The following DSC2 variants were observed in gnomAD, a reference collection of about 807,000 sequenced individuals.
The protein encoded by DSC2 is desmocollin-2.
A neutral mutation model predicts 87.6 loss-of-function variants in DSC2; 51 were observed. The ratio of observed to expected loss-of-function variants is 0.58; its 90% confidence interval spans 0.46 to 0.74. The LOEUF (loss-of-function observed/expected upper bound fraction) is 0.74, where lower values mean the gene tolerates loss of function less well. Among genes scored for constraint, DSC2 ranks in the 30% least tolerant of loss-of-function variants. The probability of loss-of-function intolerance (pLI) is 0.00; values close to 1 mark genes in which losing one functional copy is unlikely to be tolerated. For synonymous variants in DSC2, 383 were observed against 393.2 expected, an observed-to-expected ratio of 0.97 and a Z score of 0.31; for missense variants, 1,066 against 1,089.5, an observed-to-expected ratio of 0.98 and a Z score of 0.30.
chr18:31,089,233 A>G (rs1987507933), intron 5 of DSC2, among the ~76,000 whole-genome samples: 1 of 151,844 alleles, frequency 6.6e-6, no homozygotes, highest in South Asian at 2.1e-4. Flanking sequence ...TAGTAAAACC[A>G]TAATACCAGG....
chr18:31,078,442 C>G (rs1987093408), intron 11 of DSC2, among the ~76,000 whole-genome samples: 1 of 152,174 alleles, frequency 6.6e-6, no homozygotes, highest in Non-Finnish European at 1.5e-5. Flanking sequence ...ATCACTTAAA[C>G]TCCTCTGCAA....
intron 12 of DSC2, among the ~76,000 whole-genome samples, chr18:31,073,351 G>A (rs1462578884): frequency 7.0e-6 from 1 of 142,792 alleles, no homozygotes; most frequent in East Asian, 2.1e-4. Flanking sequence ...AAAATAAACT[G>A]ATAACCCCGA....
At chr18:31,087,601 A>G (rs763923120) in intron 6 of DSC2, 68 bp downstream of exon 6, 47 of 1,536,828 alleles carry the variant, frequency 3.1e-5, no homozygotes, top group Non-Finnish European at 4.0e-5. Context: ...CTCAACGGAC[A>G]TAGTGAAACT....
At position 31,065,691 on chromosome 18, in the gene DSC2, C is replaced by T. The variant is rs1986597870; in HGVS notation, c.*2324G>A. 6.6e-6 allele frequency: 1 copy of T among 152,172 alleles called. No individual in the cohort carries two copies. Among genetic ancestry groups the T allele is most frequent in the Non-Finnish European group, 1.5e-5 (1 of 68,032 alleles). The allele number at this position is 152,172 out of a possible 1,614,324, so 9.4% of individuals were successfully genotyped here. ...ATTGACAGGGAGAATCTAAAATACA[C>T]ATAATTTTCATAGGGTGTTAGAATT... On this transcript the variant is annotated 3_prime_UTR_variant, in exon 16 of 16. Transcript: ENST00000280904.
intron 2 of DSC2, 29 bp downstream of exon 2, chr18:31,093,530 A>T (rs1987668155): frequency 6.4e-7 from 1 of 1,561,344 alleles, no homozygotes; most frequent in South Asian, 1.1e-5. Flanking sequence ...GCAAAACAGG[A>T]TTTATTACAA....
In DSC2 at chr18:31,080,312, A is replaced by G. The variant is rs773846218; in HGVS notation, c.1304T>C (p.Ile435Thr). 6.2e-7 allele frequency: 1 copy of G among 1,613,968 alleles called. No homozygotes were observed. Among genetic ancestry groups the G allele is most frequent in the South Asian group, 1.1e-5 (1 of 91,082 alleles). ...YEEKQQMILQ[I>T]GVVNEAPFSR... ...AAATGGAGCTTCATTAACTACACCA[A>G]TTTGCAAGATCATCTGTTGCTTTTC... The change falls in exon 10 of 16, where the codon ATT becomes ACT. Residue 435 changes from isoleucine (I) to threonine (T), a missense_variant. Ile to Thr is a moderately conservative substitution (Grantham distance 89). Coordinates refer to ENST00000280904, the MANE Select transcript of DSC2 (RefSeq NM_024422.6).
At position 31,079,983 on chromosome 18, in the gene DSC2, C is replaced by A; in HGVS notation, c.1527G>T (p.Lys509Asn). The A allele has an allele frequency of 1.9e-6, 3 of 1,613,516 alleles. No individual in the cohort carries two copies. The highest frequency in any genetic ancestry group is 1.7e-6 in the Non-Finnish European group (2 of 1,179,710). ...ETRSSSGIRY[K>N]KLTDPTGWVT... ...CCCACCCTGTTGGATCAGTTAATTT[C>A]TTATACCTGTTGGTAATGATGAATT... The change falls in exon 11 of 16, where the codon AAG (lysine) becomes AAT (asparagine). Residue 509 changes from lysine to asparagine, a missense_variant. Lys to Asn is a moderately conservative substitution (Grantham distance 94). Coordinates refer to ENST00000280904, the MANE Select transcript of DSC2 (RefSeq NM_024422.6).
chr18:31,083,876 G>T (rs1193531939), intron 7 of DSC2, among the ~76,000 whole-genome samples: 1 of 152,150 alleles, frequency 6.6e-6, no homozygotes, highest in Non-Finnish European at 1.5e-5. Context: ...AGATATGGGA[G>T]AATTAAAAAC....
In DSC2 at chr18:31,079,985, T is replaced by C; in HGVS notation, c.1525A>G (p.Lys509Glu). Reference sequence around the variant, plus strand: ...CACCCTGTTGGATCAGTTAATTTCTTATACCTGTTGGTAATGATGAATTAA... The same window carrying C: ...CACCCTGTTGGATCAGTTAATTTCTCATACCTGTTGGTAATGATGAATTAA... ...ETRSSSGIRY[K>E]KLTDPTGWVT... The change falls in exon 11 of 16, where the codon AAG (lysine) becomes GAG (glutamate). Residue 509 changes from lysine (K) to glutamate (E), a missense_variant. By Grantham distance (56) the Lys-to-Glu change is moderately conservative. Transcript: ENST00000280904. 1 of 1,613,570 alleles carries C rather than the reference T, an allele frequency of 6.2e-7. No individual in the cohort carries two copies. Among genetic ancestry groups the C allele is most frequent in the South Asian group, 1.1e-5 (1 of 90,942 alleles).
chr18:31,060,258 T>G lies in DSC2; in HGVS notation c.*7757A>C, dbSNP rs995658799. 2.0e-5 allele frequency: 3 copies of G among 148,688 alleles called. No individual in the cohort carries two copies. The highest frequency in any genetic ancestry group is 4.5e-5 in the Non-Finnish European group (3 of 67,154). 9.2% of individuals were successfully genotyped at this position (148,688 alleles called of 1,614,324 possible). ...CTCTTACTTCTTTTGGATAAATCCC[T>G]TTTACTTGATTTCATTGGTAATTCT... On this transcript the variant is annotated 3_prime_UTR_variant, in exon 16 of 16. Transcript: ENST00000280904.
chr18:31,083,011 T>C lies in DSC2; in HGVS notation c.992A>G (p.Gln331Arg). The C allele has an allele frequency of 6.2e-7, 1 of 1,613,334 alleles. No individual in the cohort carries two copies. The highest frequency in any genetic ancestry group is 2.2e-5 in the East Asian group (1 of 44,832). ...TGAAGTTGTCTGTAGACCAAAATAC[T>C]GACCATCCATGTCTTGTACTTTTAT... ...LKIKVQDMDG[Q>R]YFGLQTTSTC... is the part of the protein sequence containing the mutation. The change falls in exon 8 of 16, where the codon CAG becomes CGG. Residue 331 changes from glutamine (Q) to arginine (R), a missense_variant. Transcript: ENST00000280904.
At chr18:31,083,165 G>C (rs1987287057) in intron 7 of DSC2, 105 bp from the exon 8 acceptor site, 3 of 1,274,564 alleles carry the variant, frequency 2.4e-6, no homozygotes, top group Non-Finnish European at 2.2e-6. Context: ...TTTAAGAAGT[G>C]CATTATTACA....
Position 31,064,734 on chromosome 18 carries a change from G to A in DSC2, c.*3281C>T, listed in dbSNP as rs899217268. On this transcript the variant is annotated 3_prime_UTR_variant, in exon 16 of 16. Coordinates refer to ENST00000280904, the MANE Select transcript of DSC2 (RefSeq NM_024422.6). Reference sequence around the variant, plus strand: ...TAGGGCTTTGAATATTTAAGGAGGTGAAAAACAAGATGATTCTAGGCACAA... The same window carrying A: ...TAGGGCTTTGAATATTTAAGGAGGTAAAAAACAAGATGATTCTAGGCACAA... 3 of 152,072 alleles carry A rather than the reference G, an allele frequency of 2.0e-5. No individual in the cohort carries two copies. The highest frequency in any genetic ancestry group is 2.1e-4 in the South Asian group (1 of 4,822). 9.4% of individuals were successfully genotyped at this position (152,072 alleles called of 1,614,324 possible). A position where few individuals can be genotyped will look rare whatever the true frequency, so the allele number is the denominator to read the frequency against.
At position 31,064,325 on chromosome 18, in the gene DSC2, C is replaced by T. The variant is rs1986563001; in HGVS notation, c.*3690G>A. The T allele has an allele frequency of 6.6e-6, 1 of 152,158 alleles. No homozygotes were observed. Among genetic ancestry groups the T allele is most frequent in the Non-Finnish European group, 1.5e-5 (1 of 68,050 alleles). 9.4% of individuals were successfully genotyped at this position (152,158 alleles called of 1,614,324 possible). A position where few individuals can be genotyped will look rare whatever the true frequency, so the allele number is the denominator to read the frequency against. The stretch of plus-strand genomic sequence containing the variant: ...TGGGTGGGGAGAGTGGCTGATTCAT[C>T]TTGCACTTTCTCATAGAAGCACAGT... On this transcript the variant is annotated 3_prime_UTR_variant, in exon 16 of 16. Coordinates refer to ENST00000280904, the MANE Select transcript of DSC2 (RefSeq NM_024422.6).
intron 9 of DSC2, among the ~76,000 whole-genome samples, chr18:31,081,461 G>GA (rs1987216835): frequency 1.3e-5 from 2 of 152,076 alleles, no homozygotes; most frequent in Admixed American, 6.6e-5. Context: ...GTTAGGTGAA[G>GA]AAAGAGACAA....
rs1335645459 is a variant in DSC2, at chr18:31,086,742, C to T, written c.776G>A (p.Gly259Asp). 3 of 1,613,682 alleles carry T rather than the reference C, an allele frequency of 1.9e-6. No homozygotes were observed. In the African/African-American group the frequency reaches 4.0e-5, roughly 22 times the overall value. ...TFTIFENCRV[G>D]TTVGQVCATD... is the part of the protein sequence containing the mutation. ...AGCACACACTTGTCCCACAGTAGTG[C>T]CTAGAGAAGAAAAGTCCTTTTTAAT... The change falls in exon 7 of 16, where the codon GGC becomes GAC. Residue 259 changes from glycine (G) to aspartate (D), a missense_variant and splice_region_variant. Coordinates refer to ENST00000280904, the MANE Select transcript of DSC2 (RefSeq NM_024422.6).
chr18:31,066,105 C>A lies in DSC2; in HGVS notation c.*1910G>T, dbSNP rs1986610172. 1 of 152,094 alleles carries A rather than the reference C, an allele frequency of 6.6e-6. No individual in the cohort carries two copies. Among genetic ancestry groups the A allele is most frequent in the Non-Finnish European group, 1.5e-5 (1 of 68,028 alleles). 9.4% of individuals were successfully genotyped at this position (152,094 alleles called of 1,614,324 possible). A position where few individuals can be genotyped will look rare whatever the true frequency, so the allele number is the denominator to read the frequency against. On this transcript the variant is annotated 3_prime_UTR_variant, in exon 16 of 16. Transcript: ENST00000280904. ...CCTAGGAAACAAGTTCTGTTATTATCCCCCATTTTAAAATGATGAAAATGG... is the reference window on the plus strand; with the variant it reads ...CCTAGGAAACAAGTTCTGTTATTATACCCCATTTTAAAATGATGAAAATGG...
At chr18:31,096,073 G>A (rs917485436) in intron 1 of DSC2, among the ~76,000 whole-genome samples, 1 of 152,078 alleles carries the variant, frequency 6.6e-6, no homozygotes, top group African/African-American at 2.4e-5. Flanking sequence ...TTTTCCTAAC[G>A]AGAATGAGAA....
intron 11 of DSC2, among the ~76,000 whole-genome samples, chr18:31,076,344 T>C (rs1987017195): frequency 6.6e-6 from 1 of 151,788 alleles, no homozygotes; most frequent in Admixed American, 6.6e-5. Context: ...GACTAGTAGT[T>C]AATATGGGCA....
Sources: allele counts gnomAD v4.1 joint callset (sites outside exome capture counted in the v4.1 genomes callset), GRCh38; gene constraint gnomAD v4.1.1; transcripts MANE v1.5; gene names NCBI Gene and HGNC (gene_info 2026-07-23, HGNC 2026-07-21).